RSL24D1: variants seen among roughly 807,000 people sequenced by gnomAD.
RSL24D1 encodes the protein probable ribosome biogenesis protein RLP24.
RSL24D1 carries 6 observed loss-of-function variants against 26.2 expected under a neutral mutation model. The ratio of observed to expected loss-of-function variants is 0.23; its 90% CI spans 0.13 to 0.45. RSL24D1 has a LOEUF of 0.45. Ranked by LOEUF, RSL24D1 falls within the 20% of genes least tolerant of loss-of-function variation. The pLI is 0.99. For synonymous variants in RSL24D1, 61 were observed against 59.1 expected (o/e 1.03, Z -0.15); for missense variants, 176 against 202.6 (o/e 0.87, Z 0.80).
intron 3 of RSL24D1, 46 bp downstream of exon 3, chr15:55,190,929 C>G: frequency 7.8e-7 from 1 of 1,282,556 alleles, no homozygotes. Flanking sequence ...AGTATTATCC[C>G]AAACCAGTCT....
chr15:55,181,975 C>A lies in RSL24D1; in HGVS notation c.*177G>T, dbSNP rs1894171902. On this transcript the variant is annotated 3_prime_UTR_variant, in exon 6 of 6. Transcript: ENST00000260443. ...TACATCTATCAGTAAAGATTTAACA[C>A]TGAGATGCAATCTAACATCCGTAAT... The A allele has an allele frequency of 3.7e-6, 2 of 534,030 alleles. No individual in the cohort carries two copies. Among genetic ancestry groups the A allele is most frequent in the Non-Finnish European group, 3.4e-6 (1 of 297,874 alleles). 33.1% of individuals were successfully genotyped at this position (534,030 alleles called of 1,614,324 possible).
chr15:55,194,507 T>C (rs1894333255), intron 1 of RSL24D1: 1 of 152,192 alleles, frequency 6.6e-6, no homozygotes, highest in Non-Finnish European at 1.5e-5. Flanking sequence ...TCTCTTTTAA[T>C]TTAGTCCCCT....
intron 1 of RSL24D1, 111 bp from the exon 2 acceptor site, chr15:55,192,944 G>T (rs1329409646): frequency 1.1e-4 from 75 of 671,486 alleles, no homozygotes; most frequent in Non-Finnish European, 3.2e-5. Context: ...CTGCCATTTA[G>T]AAATGTGTAA....
chr15:55,186,206 C>T (rs1049852288), intron 3 of RSL24D1, among the ~76,000 whole-genome samples: 4 of 152,110 alleles, frequency 2.6e-5, no homozygotes, highest in Non-Finnish European at 4.4e-5. Flanking sequence ...TACAGCACAA[C>T]GCAATTTAGA....
chr15:55,196,128 T>G (rs999074358), intron 1 of RSL24D1, among the ~76,000 whole-genome samples: 1 of 152,230 alleles, frequency 6.6e-6, no homozygotes, highest in African/African-American at 2.4e-5. Context: ...TATTTACGTT[T>G]ACAGACTTAT....
At chr15:55,185,814 A>T (rs1277392877) in intron 3 of RSL24D1, among the ~76,000 whole-genome samples, 1 of 152,138 alleles carries the variant, frequency 6.6e-6, no homozygotes, top group Non-Finnish European at 1.5e-5. Context: ...GAACACTTAA[A>T]AGTGCCTGGG....
At position 55,183,293 on chromosome 15, in the gene RSL24D1, A is replaced by G. The variant is rs763137812; in HGVS notation, c.418+22T>C. The stretch of plus-strand genomic sequence containing the variant: ...CCAAATACACAGACCACAAAAATCT[A>G]GATGTGCAATGTAGTACTCACCTGC... On this transcript the variant is annotated intron_variant, in intron 5 of 5. Coordinates refer to ENST00000260443, the MANE Select transcript of RSL24D1 (RefSeq NM_016304.3). 13 of 1,588,044 alleles carry G rather than the reference A, an allele frequency of 8.2e-6. No homozygotes were observed. In the South Asian group the frequency reaches 1.0e-4, roughly 12 times the overall value.
At chr15:55,183,619 C>T (rs567150771) in intron 4 of RSL24D1, among the ~76,000 whole-genome samples, 2 of 152,238 alleles carry the variant, frequency 1.3e-5, no homozygotes, top group South Asian at 2.1e-4. Flanking sequence ...CCTCTCAGTC[C>T]TCTCACATTA....
chr15:55,180,902 C>T lies in RSL24D1; in HGVS notation c.*1250G>A, dbSNP rs1894158806. ...TGTCTTTCCTCACATGTATCATTTC[C>T]CCTAATCTTCAATCAATAATATTAT... is the stretch of plus-strand genomic sequence containing the variant. On this transcript the variant is annotated 3_prime_UTR_variant, in exon 6 of 6. Coordinates refer to ENST00000260443, the MANE Select transcript of RSL24D1 (RefSeq NM_016304.3). The T allele has an allele frequency of 6.6e-6, 1 of 152,018 alleles. No individual in the cohort carries two copies. 9.4% of individuals were successfully genotyped at this position (152,018 alleles called of 1,614,324 possible).
intron 4 of RSL24D1, among the ~76,000 whole-genome samples, chr15:55,183,724 A>T (rs1164685109): frequency 6.6e-6 from 1 of 152,192 alleles, no homozygotes; most frequent in Admixed American, 6.5e-5. Flanking sequence ...AAGCCCTCAC[A>T]AATGTACATT....
intron 4 of RSL24D1, among the ~76,000 whole-genome samples, chr15:55,183,919 T>C (rs1157568968): frequency 6.6e-6 from 1 of 152,154 alleles, no homozygotes; most frequent in Non-Finnish European, 1.5e-5. Context: ...GAAGCAGTGC[T>C]CTACTACATA....
chr15:55,182,278 G>A, intron 5 of RSL24D1, 53 bp from the exon 6 acceptor site: 1 of 1,091,718 alleles, frequency 9.2e-7, no homozygotes, highest in Non-Finnish European at 1.4e-6. Context: ...TGACCTTACA[G>A]AATTCACACC....
At chr15:55,194,959 G>A (rs752979058) in intron 1 of RSL24D1, among the ~76,000 whole-genome samples, 1 of 148,298 alleles carries the variant, frequency 6.7e-6, no homozygotes, top group Non-Finnish European at 1.5e-5. Flanking sequence ...GGAGACTGAG[G>A]CTGCAGAGAG....
intron 3 of RSL24D1, among the ~76,000 whole-genome samples, chr15:55,186,651 T>G (rs899517123): frequency 6.6e-6 from 1 of 152,136 alleles, no homozygotes; most frequent in Admixed American, 6.5e-5. Flanking sequence ...TTACAAGAGA[T>G]TAAAGAGACA....
chr15:55,190,684 G>A (rs553148593), intron 3 of RSL24D1, among the ~76,000 whole-genome samples: 117 of 152,006 alleles, frequency 7.7e-4, no homozygotes, highest in Non-Finnish European at 5.3e-4. Flanking sequence ...AGTATTTTCC[G>A]TCTCTATTTT....
intron 1 of RSL24D1, 29 bp downstream of exon 1, chr15:55,196,781 G>A: frequency 6.2e-7 from 1 of 1,611,088 alleles, no homozygotes; most frequent in Non-Finnish European, 8.5e-7. Flanking sequence ...GAGCTAGGCT[G>A]AAGCAAGAAC....
chr15:55,196,315 A>T, intron 1 of RSL24D1: 1 of 456,504 alleles, frequency 2.2e-6, no homozygotes, highest in Non-Finnish European at 4.4e-6. Flanking sequence ...TATCACCTCT[A>T]TGCTGAGTCT....
In RSL24D1 at chr15:55,183,316, T is replaced by G; in HGVS notation, c.417A>C (p.Ala139=). 6.2e-7 allele frequency: 1 copy of G among 1,611,054 alleles called. No individual in the cohort carries two copies. The highest frequency in any genetic ancestry group is 8.5e-7 in the Non-Finnish European group (1 of 1,179,168). The change falls in exon 5 of 6, where the codon GCA becomes GCC. Residue 139 remains alanine (A), a splice_region_variant and synonymous_variant. Coordinates refer to ENST00000260443, the MANE Select transcript of RSL24D1 (RefSeq NM_016304.3). The part of the protein sequence containing the change: ...QNIHLIRAPL[A]GKGKQLEEKM... ...CTAGATGTGCAATGTAGTACTCACCTGCAAGAGGGGCTCGGATAAGATGGA... is the reference window on the plus strand; with the variant it reads ...CTAGATGTGCAATGTAGTACTCACCGGCAAGAGGGGCTCGGATAAGATGGA...
intron 3 of RSL24D1, among the ~76,000 whole-genome samples, chr15:55,185,631 C>G (rs1894216700): frequency 6.6e-6 from 1 of 152,102 alleles, no homozygotes; most frequent in Non-Finnish European, 1.5e-5. Flanking sequence ...TCACAAGTAT[C>G]ATTTCTCTAA....
Sources: allele counts gnomAD v4.1 joint callset (sites outside exome capture counted in the v4.1 genomes callset), GRCh38; gene constraint gnomAD v4.1.1; transcripts MANE v1.5; gene names NCBI Gene and HGNC (gene_info 2026-07-23, HGNC 2026-07-21).